EBF4: variants seen among roughly 807,000 people sequenced by gnomAD.
EBF4 encodes EBF transcription factor 4.
A neutral mutation model predicts 67.1 loss-of-function variants in EBF4; 34 were observed. The observed-to-expected ratio is 0.51, with a 90% CI of 0.39 to 0.67. The LOEUF is 0.67. Ranked by LOEUF, EBF4 falls within the 30% of genes least tolerant of loss-of-function variation. The pLI is 0.00. For missense variants in EBF4, 837 were observed against 873.3 expected (o/e 0.96, Z 0.52); for synonymous variants, 387 against 377.7 (o/e 1.02, Z -0.29).
intron 6 of EBF4, among the ~76,000 whole-genome samples, chr20:2,712,647 T>A (rs1024722591): frequency 6.6e-6 from 1 of 152,060 alleles, no homozygotes; most frequent in Non-Finnish European, 1.5e-5. Flanking sequence ...AGATGTAAAT[T>A]TGAATGAATG....
At chr20:2,749,009 A>G (rs1040904158) in intron 7 of EBF4, among the ~76,000 whole-genome samples, 5 of 152,130 alleles carry the variant, frequency 3.3e-5, no homozygotes, top group African/African-American at 9.7e-5. Flanking sequence ...TTCTCCCCAG[A>G]ATAGGGCAGG....
exon 8 of EBF4, chr20:2,749,508 C>T (rs1290077564): frequency 1.7e-5 from 27 of 1,546,872 alleles, no homozygotes; most frequent in Non-Finnish European, 2.1e-5. Context: ...GCCGCCTGGA[C>T]CCCTCCGAAG....
At chr20:2,729,455 T>C (rs1228291263) in intron 6 of EBF4, among the ~76,000 whole-genome samples, 1 of 152,202 alleles carries the variant, frequency 6.6e-6, no homozygotes, top group Non-Finnish European at 1.5e-5. Context: ...AGTATGGATC[T>C]CTCTGCTCTT....
chr20:2,748,587 G>A, exon 7 of EBF4: 1 of 1,551,578 alleles, frequency 6.4e-7, no homozygotes. Context: ...AACCAGAACT[G>A]CCTGAAGAAT....
downstream of EBF4, chr20:2,759,417 CA>C: frequency 4.5e-6 from 1 of 221,010 alleles, no homozygotes. Context: ...ACCCCATGCT[CA>C]AGCCTCCCCG....
Position 2,701,203 on chromosome 20 carries a change from G to A in EBF4, c.138-4374G>A, listed in dbSNP as rs970355913. ...GAGTGTGCCTCAGACCCACTGAGCC[G>A]TGCTGGGGAAGTGCAGGATGCCGCT... is the stretch of plus-strand genomic sequence containing the variant. On this transcript the variant is annotated intron_variant, in intron 1 of 16. Coordinates refer to ENST00000609451, the Ensembl canonical transcript of EBF4. 4.6e-5 allele frequency among the ~76,000 whole-genome samples: 7 copies of A among 152,244 alleles called. No individual in the cohort carries two copies. In the South Asian group the frequency reaches 6.2e-4, roughly 13 times the overall value.
At chr20:2,735,291 T>C (rs1368879652) in intron 6 of EBF4, among the ~76,000 whole-genome samples, 1 of 152,184 alleles carries the variant, frequency 6.6e-6, no homozygotes, top group Non-Finnish European at 1.5e-5. Flanking sequence ...TACCCCTTCC[T>C]ATGGTTGCTA....
At position 2,755,340 on chromosome 20, in the gene EBF4, T is replaced by C. The variant is rs1449603891; in HGVS notation, c.1541-287T>C. ...TAGTCCAGCTGTTGCTCATCTCATT[T>C]TTGGGGGGTACCTCCCACTGTTTGT... is the stretch of plus-strand genomic sequence containing the variant. On this transcript the variant is annotated intron_variant, in intron 14 of 16. Coordinates refer to ENST00000609451, the Ensembl canonical transcript of EBF4. The surrounding 1 kb of genome is among the most constrained non-coding windows in gnomAD (Gnocchi z 4.7). The C allele has an allele frequency of 9.1e-6, 4 of 441,686 alleles. No homozygotes were observed. The highest frequency in any genetic ancestry group is 1.2e-5 in the Non-Finnish European group (3 of 248,272). The allele number at this position is 441,686 out of a possible 1,614,324, so 27.4% of individuals were successfully genotyped here.
At chr20:2,697,682 C>T (rs1310968147) in intron 1 of EBF4, among the ~76,000 whole-genome samples, 21 of 152,152 alleles carry the variant, frequency 1.4e-4, no homozygotes, top group Admixed American at 1.4e-3. Flanking sequence ...CCAGGGAAGT[C>T]TGCACAAGGA....
At chr20:2,749,491 A>C (rs1284648912) in exon 8 of EBF4, 2 of 1,548,266 alleles carry the variant, frequency 1.3e-6, no homozygotes, top group South Asian at 1.2e-5. Context: ...GCATGGCCGC[A>C]GGGCGCGCCG....
At chr20:2,697,645 T>C (rs2087315388) in intron 1 of EBF4, among the ~76,000 whole-genome samples, 1 of 152,128 alleles carries the variant, frequency 6.6e-6, no homozygotes, top group Non-Finnish European at 1.5e-5. Context: ...TGGAGAGGGC[T>C]GCCCTCTCCC....
intron 6 of EBF4, among the ~76,000 whole-genome samples, chr20:2,711,049 G>A (rs1467374442): frequency 2.0e-5 from 3 of 152,014 alleles, no homozygotes; most frequent in Non-Finnish European, 2.9e-5. Context: ...TCAGGAGGCC[G>A]AGGTGGGAGG....
At chr20:2,699,230 T>C (rs768756118) in intron 1 of EBF4, among the ~76,000 whole-genome samples, 1 of 152,146 alleles carries the variant, frequency 6.6e-6, no homozygotes, top group Non-Finnish European at 1.5e-5. Flanking sequence ...CTGCATACAC[T>C]CTGGAGCACA....
In EBF4 at chr20:2,693,970, G is replaced by C. The variant is rs1345415679; in HGVS notation, c.137+188G>C. ...CTGAGGCTGTGGGGCGGGCTGGGGCGGGGCTTCTGCCTCCACTCCGGGCTG... is the reference window on the plus strand; with the variant it reads ...CTGAGGCTGTGGGGCGGGCTGGGGCCGGGCTTCTGCCTCCACTCCGGGCTG... On this transcript the variant is annotated intron_variant, in intron 1 of 16. Transcript: ENST00000609451. This position sits in a 1 kb window ranked among gnomAD's most constrained non-coding sequence, Gnocchi z 4.6. Among the ~76,000 whole-genome samples the C allele has an allele frequency of 2.0e-5, 3 of 152,228 alleles. No homozygotes were observed. The highest frequency in any genetic ancestry group is 4.4e-5 in the Non-Finnish European group (3 of 68,044).
At position 2,731,212 on chromosome 20, in the gene EBF4, A is replaced by T. The variant is rs542320798; in HGVS notation, c.558-17337A>T. Among the ~76,000 whole-genome samples the T allele has an allele frequency of 7.9e-5, 12 of 152,270 alleles. 1 individual carries two copies. In the South Asian group the frequency reaches 2.5e-3, roughly 32 times the overall value. ...GTGCCCAGCCCAGCTTTGCTGTTTG[A>T]TGACACTGTAAGTTAGCATAATGTG... On this transcript the variant is annotated intron_variant, in intron 6 of 16. Coordinates refer to ENST00000609451, the Ensembl canonical transcript of EBF4.
intron 6 of EBF4, among the ~76,000 whole-genome samples, chr20:2,728,588 C>T (rs1195437318): frequency 6.6e-6 from 1 of 152,148 alleles, no homozygotes; most frequent in Non-Finnish European, 1.5e-5. Context: ...ATTTGTGCCT[C>T]TGGAAATGGT....
At chr20:2,752,328 C>T (rs1327108731) in intron 13 of EBF4, 29 bp from the exon 14 acceptor site, 3 of 1,198,532 alleles carry the variant, frequency 2.5e-6, no homozygotes, top group Non-Finnish European at 3.1e-6. Flanking sequence ...GCCGGCACCG[C>T]CCCCTGACGG....
chr20:2,756,123 TC>T lies in EBF4; in HGVS notation c.1738+303del, dbSNP rs2088239704. 6.6e-6 allele frequency among the ~76,000 whole-genome samples: 1 copy of T among 152,090 alleles called. No homozygotes were observed. The highest frequency in any genetic ancestry group is 1.5e-5 in the Non-Finnish European group (1 of 68,004). On this transcript the variant is annotated intron_variant, in intron 15 of 16. Transcript: ENST00000609451. The surrounding 1 kb of genome is among the most constrained non-coding windows in gnomAD (Gnocchi z 4.5). ...GTCTAGAAACTACCCCAACACTCCA[TC>T]CCCATCCAGCTGAGCCCAGAGCAAA...
exon 7 of EBF4, chr20:2,748,555 C>T (rs2088088842): frequency 1.9e-6 from 3 of 1,551,394 alleles, no homozygotes; most frequent in Non-Finnish European, 2.6e-6. Flanking sequence ...TCAGGTTCTT[C>T]CTCAAGTTCT....
Sources: gnomAD v4.1 joint callset for allele counts (sites outside exome capture counted in the v4.1 genomes callset) on GRCh38, gnomAD v4.1.1 for gene constraint, Gnocchi (gnomAD v3.1) non-coding constraint, MANE v1.5 for transcripts, NCBI Gene and HGNC (gene_info 2026-07-23, HGNC 2026-07-21) for gene names.